RAPGEF1: variants seen among roughly 807,000 people sequenced by gnomAD.
The protein encoded by RAPGEF1 is Rap guanine nucleotide exchange factor 1, also known as CRK SH3-binding GNRP.
A neutral mutation model predicts 143.3 loss-of-function variants in RAPGEF1; 33 were observed. That is an observed-to-expected ratio of 0.23 (90% CI 0.17 to 0.31). RAPGEF1 has a LOEUF of 0.31. RAPGEF1 is among the 10% of genes least tolerant of loss of function. The pLI is 1.00. For synonymous variants in RAPGEF1, 629 were observed against 676.5 expected, an observed-to-expected ratio of 0.93 and a Z score of 1.09; for missense variants, 1,199 against 1,645.4, an observed-to-expected ratio of 0.73 and a Z score of 4.69.
At chr9:131,582,558 G>C (rs757057511) in intron 25 of RAPGEF1, 47 bp downstream of exon 25, 4 of 1,360,384 alleles carry the variant, frequency 2.9e-6, no homozygotes, top group Non-Finnish European at 3.0e-6. Context: ...CAGAGCAATG[G>C]AGGCAAACCC....
At position 131,667,934 on chromosome 9, in the gene RAPGEF1, T is replaced by C. The variant is rs1830695537; in HGVS notation, c.62-16985A>G. Reference sequence around the variant, plus strand: ...AGTCCTGGCACTTAGTTAACATTCATAAATGTCATCTGTGGCCACCAGACC... The same window carrying C: ...AGTCCTGGCACTTAGTTAACATTCACAAATGTCATCTGTGGCCACCAGACC... On this transcript the variant is annotated intron_variant, in intron 1 of 26. Transcript: ENST00000683357. The surrounding 1 kb of genome is among the most constrained non-coding windows in gnomAD (Gnocchi z 4.6). Among the ~76,000 whole-genome samples, 1 of 152,208 alleles carries C rather than the reference T, an allele frequency of 6.6e-6. No individual in the cohort carries two copies.
At chr9:131,694,287 C>T (rs2131045073) in intron 1 of RAPGEF1, among the ~76,000 whole-genome samples, 1 of 152,216 alleles carries the variant, frequency 6.6e-6, no homozygotes, top group South Asian at 2.1e-4. Context: ...GGCCTAATAC[C>T]CTAGGGCATG....
chr9:131,602,967 G>A (rs1184599027), intron 14 of RAPGEF1, among the ~76,000 whole-genome samples: 6 of 152,248 alleles, frequency 3.9e-5, no homozygotes, highest in East Asian at 1.9e-4. Context: ...TGCGAAGCTG[G>A]CCTCTACCTG....
intron 12 of RAPGEF1, among the ~76,000 whole-genome samples, chr9:131,608,445 G>GT (rs1331228610): frequency 1.3e-5 from 2 of 152,218 alleles, no homozygotes; most frequent in Non-Finnish European, 2.9e-5. Flanking sequence ...GTGTGGATGG[G>GT]TAAGAGACGA....
At position 131,641,019 on chromosome 9, in the gene RAPGEF1, C is replaced by T. The variant is rs1967797992; in HGVS notation, c.494+2220G>A. On this transcript the variant is annotated intron_variant, in intron 4 of 26. Coordinates refer to ENST00000683357, the MANE Select transcript of RAPGEF1 (RefSeq NM_001377935.1). This position sits in a 1 kb window ranked among gnomAD's most constrained non-coding sequence, Gnocchi z 4.6. Reference sequence around the variant, plus strand: ...ACCCAGGCACTTCCCATTTTCTCCTCTAGGAAATGGTTATAGACATTCAAT... The same window carrying T: ...ACCCAGGCACTTCCCATTTTCTCCTTTAGGAAATGGTTATAGACATTCAAT... Among the ~76,000 whole-genome samples, 1 of 152,152 alleles carries T rather than the reference C, an allele frequency of 6.6e-6. No homozygotes were observed. The highest frequency in any genetic ancestry group is 2.4e-5 in the African/African-American group (1 of 41,430).
chr9:131,586,771 CACCTGCAGAGCGAGACTCCGTCAA>C (rs1953004229), intron 22 of RAPGEF1, among the ~76,000 whole-genome samples: 1 of 122,388 alleles, frequency 8.2e-6, no homozygotes, highest in Admixed American at 8.0e-5. Context: ...CTCACACACA[CACCTGCAGAGCGAGACTCCGTCAA>C]ACACACACAC....
At chr9:131,640,403 G>A (rs1967567725) in intron 4 of RAPGEF1, among the ~76,000 whole-genome samples, 1 of 152,210 alleles carries the variant, frequency 6.6e-6, no homozygotes, top group South Asian at 2.1e-4. Context: ...TACCTGCATT[G>A]GATGCTAACG....
In RAPGEF1 at chr9:131,580,000, C is replaced by A. The variant is rs182315083; in HGVS notation, c.3641+263G>T. ...GGCCCTTCTCACAGCAAGGTGGGCA[C>A]CAGCTTCTGGTGTGTAAAATGGGAG... On this transcript the variant is annotated intron_variant, in intron 26 of 26. Coordinates refer to ENST00000683357, the MANE Select transcript of RAPGEF1 (RefSeq NM_001377935.1). 4.7e-3 allele frequency among the ~76,000 whole-genome samples: 713 copies of A among 152,336 alleles called. 2 individuals are homozygous for A. Among genetic ancestry groups the A allele is most frequent in the Non-Finnish European group, 6.1e-3 (417 of 68,024 alleles).
In RAPGEF1 at chr9:131,626,163, G is replaced by A. The variant is rs1204206244; in HGVS notation, c.1461C>T (p.Asp487=). Residue 487 remains aspartate, a synonymous_variant, in exon 10 of 27, where the codon GAC becomes GAT. Transcript: ENST00000683357. ...CGTAGGACACCCTGCAGCCAGAGCC[G>A]TCCGCCGTCTGGGAGGCTGCGCTCC... ...KRRSAASQTA[D]GSGCRVSYER... 12 of 1,613,844 alleles carry A rather than the reference G, an allele frequency of 7.4e-6. No homozygotes were observed. Among genetic ancestry groups the A allele is most frequent in the East Asian group, 2.2e-5 (1 of 44,884 alleles).
intron 18 of RAPGEF1, 81 bp downstream of exon 18, chr9:131,592,018 C>T (rs754625843): frequency 5.4e-5 from 60 of 1,107,056 alleles, no homozygotes; most frequent in Non-Finnish European, 7.1e-5. Flanking sequence ...GCTTCCCCCA[C>T]GAGGACTGAA....
Position 131,655,979 on chromosome 9 carries a change from G to A in RAPGEF1, c.62-5030C>T, listed in dbSNP as rs1211481104. The stretch of plus-strand genomic sequence containing the variant: ...TCTCTCTAAATCTTTCCCTTATTTT[G>A]TCTGGAAAATGAGTGAGATAACATT... On this transcript the variant is annotated intron_variant, in intron 1 of 26. Transcript: ENST00000683357. The surrounding 1 kb of genome is among the most constrained non-coding windows in gnomAD (Gnocchi z 4.1). 6.6e-6 allele frequency among the ~76,000 whole-genome samples: 1 copy of A among 152,130 alleles called. No homozygotes were observed. The highest frequency in any genetic ancestry group is 1.5e-5 in the Non-Finnish European group (1 of 68,024).
At chr9:131,682,761 T>A (rs1019828382) in intron 1 of RAPGEF1, among the ~76,000 whole-genome samples, 1 of 152,194 alleles carries the variant, frequency 6.6e-6, no homozygotes, top group African/African-American at 2.4e-5. Context: ...GTCAAATTAC[T>A]GATAAACATC....
Position 131,710,140 on chromosome 9 carries a change from T to C in RAPGEF1, c.61+29630A>G, listed in dbSNP as rs571348572. On this transcript the variant is annotated intron_variant, in intron 1 of 26. Transcript: ENST00000683357. ...TTCTGGGGCATGCCAGGAGAAACAT[T>C]TTCATACAGACCCTTATGCCACGCC... is the stretch of plus-strand genomic sequence containing the variant. Among the ~76,000 whole-genome samples the C allele has an allele frequency of 4.3e-4, 66 of 152,224 alleles. No individual in the cohort carries two copies. In the South Asian group the frequency reaches 0.011, roughly 26 times the overall value.
rs201643590 is a variant in RAPGEF1, at chr9:131,598,211, C to A, written c.2601G>T (p.Thr867=). Residue 867 remains threonine, a synonymous_variant, in exon 16 of 27, where the codon ACG becomes ACT. Coordinates refer to ENST00000683357, the MANE Select transcript of RAPGEF1 (RefSeq NM_001377935.1). ...IDHNEIMSRL[T]LKQEGDDGPD... ...GGGAAGTTCTCACCTCCTGCTTGAG[C>A]GTCAGCCTGGACATAATTTCGTTGT... is the stretch of plus-strand genomic sequence containing the variant. 6.2e-7 allele frequency: 1 copy of A among 1,613,796 alleles called. No homozygotes were observed. Among genetic ancestry groups the A allele is most frequent in the African/African-American group, 1.3e-5 (1 of 74,952 alleles).
chr9:131,603,697 A>G (rs1319143946), intron 14 of RAPGEF1, among the ~76,000 whole-genome samples: 1 of 152,150 alleles, frequency 6.6e-6, no homozygotes, highest in Non-Finnish European at 1.5e-5. Flanking sequence ...CTGGTCCCAG[A>G]GATTTCTAGA....
chr9:131,662,551 GTT>G (rs112255424), intron 1 of RAPGEF1, among the ~76,000 whole-genome samples: 4 of 129,920 alleles, frequency 3.1e-5, no homozygotes, highest in African/African-American at 3.1e-5. Context: ...GTTTTATTTT[GTT>G]TTTTTTTTTT....
At chr9:131,697,143 G>A (rs775285802) in intron 1 of RAPGEF1, among the ~76,000 whole-genome samples, 5 of 152,218 alleles carry the variant, frequency 3.3e-5, no homozygotes, top group African/African-American at 1.2e-4. Flanking sequence ...TGCTGAAAGC[G>A]CAGCAGAGAC....
At chr9:131,622,608 C>T (rs767120582) in intron 10 of RAPGEF1, among the ~76,000 whole-genome samples, 1 of 152,158 alleles carries the variant, frequency 6.6e-6, no homozygotes, top group Non-Finnish European at 1.5e-5. Flanking sequence ...TTCAAAGTCA[C>T]CTTCTTTATT....
At chr9:131,697,917 G>A (rs1834313985) in intron 1 of RAPGEF1, among the ~76,000 whole-genome samples, 1 of 152,160 alleles carries the variant, frequency 6.6e-6, no homozygotes. Flanking sequence ...GAAAGAGAGG[G>A]GCCAGGATAA....
Sources: gnomAD v4.1 joint callset for allele counts (sites outside exome capture counted in the v4.1 genomes callset) on GRCh38, gnomAD v4.1.1 for gene constraint, Gnocchi (gnomAD v3.1) non-coding constraint, MANE v1.5 for transcripts, NCBI Gene and HGNC (gene_info 2026-07-23, HGNC 2026-07-21) for gene names.